UBTD1: variants seen among roughly 807,000 people sequenced by gnomAD.
UBTD1 encodes the protein ubiquitin domain containing 1.
A neutral mutation model predicts 21.7 loss-of-function variants in UBTD1; 19 were observed. The ratio of observed to expected loss-of-function variants is 0.87; its 90% CI spans 0.61 to 1.28. The LOEUF (loss-of-function observed/expected upper bound fraction) is 1.28. Ranked by LOEUF, UBTD1 falls within the 50% of genes most tolerant of loss-of-function variation. The probability of loss-of-function intolerance (pLI) is 0.00; values close to 1 mark genes in which losing one functional copy is unlikely to be tolerated. For synonymous variants in UBTD1, 116 were observed against 135.1 expected, an observed-to-expected ratio of 0.86 and a Z score of 0.98; for missense variants, 282 against 315.1, an observed-to-expected ratio of 0.89 and a Z score of 0.80.
intron 1 of UBTD1, among the ~76,000 whole-genome samples, chr10:97,514,003 TTTTC>T (rs978586379): frequency 8.0e-5 from 12 of 150,262 alleles, no homozygotes; most frequent in Non-Finnish European, 1.6e-4. Context: ...CCTCTTTTTC[TTTTC>T]TTTCTTTCTT....
At chr10:97,502,272 G>A (rs765447804) in intron 1 of UBTD1, among the ~76,000 whole-genome samples, 5 of 151,966 alleles carry the variant, frequency 3.3e-5, no homozygotes, top group African/African-American at 7.3e-5. Flanking sequence ...GTCCAAAGCC[G>A]AGGGGAACTC....
At chr10:97,510,489 C>A (rs1564735154) in intron 1 of UBTD1, among the ~76,000 whole-genome samples, 1 of 152,158 alleles carries the variant, frequency 6.6e-6, no homozygotes, top group Non-Finnish European at 1.5e-5. Flanking sequence ...ATAACAGTAT[C>A]TACTCCATAG....
chr10:97,513,807 C>T (rs1030715304), intron 1 of UBTD1, among the ~76,000 whole-genome samples: 13 of 152,062 alleles, frequency 8.5e-5, no homozygotes, highest in East Asian at 1.9e-4. Context: ...TGAACTCCTG[C>T]GTTCAAGTGA....
At position 97,570,522 on chromosome 10, in the gene UBTD1, G is replaced by C. The variant is rs1295493220; in HGVS notation, c.683G>C (p.Ter228SerextTer42). The change falls in exon 3 of 3, where the codon TGA becomes TCA. Residue 228 changes from the stop codon to serine (S), a stop_lost. Coordinates refer to ENST00000370664, the MANE Select transcript of UBTD1 (RefSeq NM_024954.5). This position sits in a 1 kb window ranked among gnomAD's most constrained non-coding sequence, Gnocchi z 6.6. ...AACCAGCCCCCACCACCCCAGGACT[G>C]ATGGGCCCACGGACCCCTGGGAAGA... is the stretch of plus-strand genomic sequence containing the variant. The part of the protein sequence containing the change: ...IINQPPPPQD[*>S] The C allele has an allele frequency of 1.3e-5, 20 of 1,593,402 alleles. No individual in the cohort carries two copies. The highest frequency in any genetic ancestry group is 1.7e-5 in the Non-Finnish European group (20 of 1,165,214).
chr10:97,541,950 G>A (rs1302780495), intron 1 of UBTD1, among the ~76,000 whole-genome samples: 1 of 152,008 alleles, frequency 6.6e-6, no homozygotes, highest in Non-Finnish European at 1.5e-5. Context: ...TTACCAGGCT[G>A]GTCTCGAACT....
intron 1 of UBTD1, among the ~76,000 whole-genome samples, chr10:97,525,613 C>A (rs7895702): frequency 3.9e-5 from 6 of 152,008 alleles, no homozygotes; most frequent in Admixed American, 3.3e-4. Context: ...TCACTTCTCC[C>A]TCCACTGGCC....
chr10:97,534,048 T>G (rs1038645351), intron 1 of UBTD1, among the ~76,000 whole-genome samples: 1 of 152,162 alleles, frequency 6.6e-6, no homozygotes, highest in African/African-American at 2.4e-5. Flanking sequence ...CTGGAAACCT[T>G]GCAGGCAGGA....
intron 1 of UBTD1, among the ~76,000 whole-genome samples, chr10:97,534,409 C>G (rs1564739660): frequency 6.6e-6 from 1 of 152,314 alleles, no homozygotes; most frequent in African/African-American, 2.4e-5. Context: ...CAGCTAGAAA[C>G]AGTCTTTCCT....
intron 1 of UBTD1, among the ~76,000 whole-genome samples, chr10:97,546,011 C>T (rs899591504): frequency 2.0e-5 from 3 of 152,122 alleles, no homozygotes; most frequent in Non-Finnish European, 4.4e-5. Context: ...TCTCAAACTC[C>T]TGATCTCAAG....
At chr10:97,537,105 T>C (rs998065241) in intron 1 of UBTD1, among the ~76,000 whole-genome samples, 5 of 151,992 alleles carry the variant, frequency 3.3e-5, no homozygotes, top group African/African-American at 1.2e-4. Flanking sequence ...CTTTAAACCT[T>C]GAGACACACT....
At chr10:97,557,065 A>G (rs1454595143) in intron 1 of UBTD1, among the ~76,000 whole-genome samples, 1 of 152,224 alleles carries the variant, frequency 6.6e-6, no homozygotes, top group East Asian at 1.9e-4. Context: ...TTCATCAGGA[A>G]CTGGGTCTGT....
intron 1 of UBTD1, among the ~76,000 whole-genome samples, chr10:97,549,578 A>T (rs1193757338): frequency 2.0e-5 from 3 of 152,232 alleles, no homozygotes; most frequent in African/African-American, 7.2e-5. Flanking sequence ...AGAGCCGAGA[A>T]GGGGGCTCTC....
chr10:97,529,414 G>T (rs1221527073), intron 1 of UBTD1, among the ~76,000 whole-genome samples: 20 of 152,350 alleles, frequency 1.3e-4, no homozygotes, highest in Admixed American at 8.5e-4. Context: ...AAGGCAGGCG[G>T]CTGGGAGGTG....
chr10:97,504,247 C>T (rs1317265801), intron 1 of UBTD1, among the ~76,000 whole-genome samples: 1 of 152,174 alleles, frequency 6.6e-6, no homozygotes, highest in African/African-American at 2.4e-5. Flanking sequence ...TGTCTCCCGA[C>T]AGACTATTTC....
rs375993936 is a variant in UBTD1, at chr10:97,530,139, C to T, written c.70+30866C>T. On this transcript the variant is annotated intron_variant, in intron 1 of 2. Coordinates refer to ENST00000370664, the MANE Select transcript of UBTD1 (RefSeq NM_024954.5). ...GCTCTGACCTTGAGAGCCTTAGTGA[C>T]TTTGTGTCCGTGTTCCCCAGCACGG... Among the ~76,000 whole-genome samples, 86 of 152,292 alleles carry T rather than the reference C, an allele frequency of 5.6e-4. 1 individual carries two copies. The highest frequency in any genetic ancestry group is 1.6e-3 in the African/African-American group (66 of 41,548).
At chr10:97,530,489 A>G (rs1419081055) in intron 1 of UBTD1, among the ~76,000 whole-genome samples, 9 of 152,250 alleles carry the variant, frequency 5.9e-5, no homozygotes, top group Non-Finnish European at 1.3e-4. Context: ...ATATTTGCTC[A>G]ATAAATATTT....
intron 1 of UBTD1, among the ~76,000 whole-genome samples, chr10:97,528,115 C>G (rs1385376173): frequency 7.7e-6 from 1 of 129,722 alleles, no homozygotes; most frequent in Non-Finnish European, 1.7e-5. Context: ...GGAGGCTGGC[C>G]GGGCGGGGGG....
intron 1 of UBTD1, among the ~76,000 whole-genome samples, chr10:97,523,053 G>A (rs968908973): frequency 6.6e-6 from 1 of 152,170 alleles, no homozygotes; most frequent in African/African-American, 2.4e-5. Context: ...TTGACACAGC[G>A]TATTTCTTTA....
chr10:97,528,043 A>G (rs2040498791), intron 1 of UBTD1, among the ~76,000 whole-genome samples: 2 of 143,136 alleles, frequency 1.4e-5, no homozygotes, highest in African/African-American at 2.6e-5. Context: ...GGCGCCCCTC[A>G]CCTCCCGGAC....
Sources: gnomAD v4.1 joint callset for allele counts (sites outside exome capture counted in the v4.1 genomes callset) on GRCh38, gnomAD v4.1.1 for gene constraint, Gnocchi (gnomAD v3.1) non-coding constraint, MANE v1.5 for transcripts, NCBI Gene and HGNC (gene_info 2026-07-23, HGNC 2026-07-21) for gene names.